ADGRL3: variants seen among roughly 807,000 people sequenced by gnomAD.
ADGRL3 encodes adhesion G protein-coupled receptor L3.
Under a neutral mutation model 153.5 loss-of-function variants are expected in ADGRL3, and 62 were observed. The observed-to-expected ratio is 0.40, with a 90% CI of 0.33 to 0.50. ADGRL3 has a LOEUF of 0.50. Ranked by LOEUF, ADGRL3 falls within the 20% of genes least tolerant of loss-of-function variation. The pLI is 0.47. For synonymous variants in ADGRL3, 710 were observed against 672.5 expected (o/e 1.06, Z -0.86); for missense variants, 1,641 against 1,859.4 (o/e 0.88, Z 2.16).
At chr4:61,519,136 CAT>C (rs1489651750) in intron 4 of ADGRL3, among the ~76,000 whole-genome samples, 1 of 152,124 alleles carries the variant, frequency 6.6e-6, no homozygotes, top group East Asian at 1.9e-4. Context: ...AACACAAACA[CAT>C]AGCTGCTGGA....
intron 8 of ADGRL3, among the ~76,000 whole-genome samples, chr4:61,808,346 G>T (rs2097573089): frequency 6.6e-6 from 1 of 152,088 alleles, no homozygotes; most frequent in Admixed American, 6.6e-5. Context: ...CATGTTTTCT[G>T]TGCAGCAAGT....
chr4:61,876,653 G>A (rs1053365584), intron 9 of ADGRL3, among the ~76,000 whole-genome samples: 4 of 151,712 alleles, frequency 2.6e-5, no homozygotes, highest in African/African-American at 9.7e-5. Flanking sequence ...AGAGTAGAGA[G>A]TATGAGAAAT....
chr4:61,700,451 A>C (rs2151295182), intron 6 of ADGRL3, among the ~76,000 whole-genome samples: 1 of 152,296 alleles, frequency 6.6e-6, no homozygotes, highest in South Asian at 2.1e-4. Flanking sequence ...GTTTTATAGA[A>C]TAATATAGCA....
At chr4:61,793,758 G>C (rs1260412376) in intron 8 of ADGRL3, among the ~76,000 whole-genome samples, 1 of 152,086 alleles carries the variant, frequency 6.6e-6, no homozygotes, top group Admixed American at 6.6e-5. Context: ...ATAAAGTATA[G>C]TTTATTTTTT....
At chr4:61,203,379 C>T (rs183216185) in intron 1 of ADGRL3, among the ~76,000 whole-genome samples, 3 of 152,320 alleles carry the variant, frequency 2.0e-5, no homozygotes. Context: ...CTGCCACAGT[C>T]TCCTTTAGAG....
chr4:61,935,238 G>A (rs1274324550), intron 14 of ADGRL3, among the ~76,000 whole-genome samples: 1 of 152,098 alleles, frequency 6.6e-6, no homozygotes, highest in Non-Finnish European at 1.5e-5. Context: ...TCAATATTAG[G>A]TTCAAAATTG....
intron 6 of ADGRL3, among the ~76,000 whole-genome samples, chr4:61,711,477 T>TA (rs2095986152): frequency 1.0e-5 from 1 of 97,104 alleles, no homozygotes; most frequent in Non-Finnish European, 2.1e-5. Flanking sequence ...TATATATATA[T>TA]ATATATATAT....
intron 8 of ADGRL3, among the ~76,000 whole-genome samples, chr4:61,753,098 A>G (rs566610621): frequency 1.3e-5 from 2 of 152,196 alleles, no homozygotes; most frequent in South Asian, 4.2e-4. Context: ...AGTCCTAGGA[A>G]GAGGATAGTT....
intron 5 of ADGRL3, among the ~76,000 whole-genome samples, chr4:61,588,738 C>T (rs942336462): frequency 6.6e-5 from 10 of 151,986 alleles, no homozygotes; most frequent in Non-Finnish European, 1.3e-4. Flanking sequence ...ATACTAAATG[C>T]TATGCCTGAA....
At chr4:61,650,031 C>T (rs757352952) in intron 5 of ADGRL3, among the ~76,000 whole-genome samples, 2 of 152,088 alleles carry the variant, frequency 1.3e-5, no homozygotes, top group Non-Finnish European at 2.9e-5. Context: ...AGTTTGTTGT[C>T]TGGCTGTTTC....
intron 17 of ADGRL3, among the ~76,000 whole-genome samples, chr4:61,978,878 T>G (rs2099057561): frequency 6.6e-6 from 1 of 151,908 alleles, no homozygotes; most frequent in Non-Finnish European, 1.5e-5. Context: ...GCTCTATTCA[T>G]GCAAAACCTT....
chr4:61,418,306 T>G (rs2152314994), intron 2 of ADGRL3, among the ~76,000 whole-genome samples: 1 of 152,312 alleles, frequency 6.6e-6, no homozygotes, highest in Non-Finnish European at 1.5e-5. Flanking sequence ...GAATTGGAGT[T>G]CTGTTAAGGG....
chr4:61,475,064 G>A (rs540911539), intron 2 of ADGRL3, among the ~76,000 whole-genome samples: 2 of 152,110 alleles, frequency 1.3e-5, no homozygotes, highest in South Asian at 4.2e-4. Flanking sequence ...TTTTAGAACG[G>A]GGAGGAAAAA....
rs1191808559 is a variant in ADGRL3, at chr4:62,076,437, C to A, written c.*5529C>A. 1 of 152,014 alleles carries A rather than the reference C, an allele frequency of 6.6e-6. No homozygotes were observed. Among genetic ancestry groups the A allele is most frequent in the Non-Finnish European group, 1.5e-5 (1 of 67,956 alleles). 9.4% of individuals were successfully genotyped at this position (152,014 alleles called of 1,614,324 possible). ...AATCTCTATTGGGATAAACAAGTCT[C>A]TTCAACCACAATATGAACAACGGAA... On this transcript the variant is annotated 3_prime_UTR_variant, in exon 27 of 27. Transcript: ENST00000683033.
At chr4:61,453,886 A>C (rs1337687828) in intron 2 of ADGRL3, among the ~76,000 whole-genome samples, 9 of 152,108 alleles carry the variant, frequency 5.9e-5, no homozygotes, top group Admixed American at 5.2e-4. Flanking sequence ...CACTAGGAAC[A>C]ATATTATCTG....
intron 6 of ADGRL3, among the ~76,000 whole-genome samples, chr4:61,713,422 T>C (rs898547647): frequency 6.6e-6 from 1 of 152,004 alleles, no homozygotes. Flanking sequence ...GCCTTTAAAT[T>C]GCGTATAAAC....
chr4:61,891,489 G>A (rs2098585418), intron 9 of ADGRL3, among the ~76,000 whole-genome samples: 1 of 152,138 alleles, frequency 6.6e-6, no homozygotes, highest in Non-Finnish European at 1.5e-5. Flanking sequence ...TTTCAGTGAT[G>A]AAATATTCAA....
At chr4:61,368,331 G>A (rs1420916901) in intron 1 of ADGRL3, among the ~76,000 whole-genome samples, 3 of 152,112 alleles carry the variant, frequency 2.0e-5, no homozygotes, top group African/African-American at 7.2e-5. Context: ...GTAATGCCTA[G>A]GTTTTCTTCT....
chr4:61,748,654 C>T (rs1158788409), intron 8 of ADGRL3, among the ~76,000 whole-genome samples: 1 of 152,070 alleles, frequency 6.6e-6, no homozygotes, highest in East Asian at 1.9e-4. Context: ...ACTGGCTAGC[C>T]ATATGTAGAA....
Sources: gnomAD v4.1 joint callset for allele counts (sites outside exome capture counted in the v4.1 genomes callset) on GRCh38, gnomAD v4.1.1 for gene constraint, MANE v1.5 for transcripts, NCBI Gene and HGNC (gene_info 2026-07-23, HGNC 2026-07-21) for gene names.